The following PAPPA variants were observed in gnomAD, a reference collection of about 807,000 sequenced individuals.
PAPPA encodes the protein pappalysin-1.
A neutral mutation model predicts 164.0 loss-of-function variants in PAPPA; 60 were observed. The ratio of observed to expected loss-of-function variants is 0.37; its 90% CI spans 0.30 to 0.45. PAPPA has a LOEUF of 0.45. Among genes scored for constraint, PAPPA ranks in the 20% least tolerant of loss-of-function variants. The pLI is 1.00. For synonymous variants in PAPPA, 875 were observed against 814.1 expected (o/e 1.07, Z -1.27); for missense variants, 1,782 against 2,087.3 (o/e 0.85, Z 2.85).
At chr9:116,322,379 C>T (rs1009454850) in intron 10 of PAPPA, among the ~76,000 whole-genome samples, 3 of 138,128 alleles carry the variant, frequency 2.2e-5, no homozygotes, top group African/African-American at 5.5e-5. Context: ...CATCGCATTC[C>T]AGCCTGGGGT....
chr9:116,376,678 A>G (rs1330975966), intron 19 of PAPPA, among the ~76,000 whole-genome samples: 1 of 152,244 alleles, frequency 6.6e-6, no homozygotes, highest in East Asian at 1.9e-4. Context: ...GAGGCTATAA[A>G]TAAGTGCCTA....
At chr9:116,345,728 G>A (rs1214740852) in intron 14 of PAPPA, among the ~76,000 whole-genome samples, 2 of 152,200 alleles carry the variant, frequency 1.3e-5, no homozygotes, top group East Asian at 1.9e-4. Context: ...AGTCATCAAA[G>A]GAGTCATGGA....
At chr9:116,321,897 C>G (rs1488508020) in intron 10 of PAPPA, among the ~76,000 whole-genome samples, 1 of 152,106 alleles carries the variant, frequency 6.6e-6, no homozygotes, top group Non-Finnish European at 1.5e-5. Flanking sequence ...TGTATTACCT[C>G]AAGGGTATGG....
rs1331162230 is a variant in PAPPA at position 116,332,345 on chromosome 9, C to A, written c.3274C>A (p.Gln1092Lys). Residue 1092 changes from glutamine to lysine, a missense_variant, in exon 12 of 22, where the codon CAA (glutamine) becomes AAA (lysine). Physicochemically the swap from Gln to Lys is moderately conservative, Grantham distance 53. This residue lies in a region of PAPPA where 1,324 missense variants were observed against 1,656.9 expected (regional missense o/e 0.80). Transcript: ENST00000328252. ...TTFWLRAYFS[Q>K]PMVAAAVIVH... is the part of the protein sequence containing the mutation. ...TTCACAATTTCAGGCGTATTTTTCT[C>A]AACCAATGGTTGCCGCAGCTGTCAT... 6.2e-7 allele frequency: 1 copy of A among 1,613,438 alleles called. No individual in the cohort carries two copies. The highest frequency in any genetic ancestry group is 1.7e-5 in the Admixed American group (1 of 60,014).
At chr9:116,226,718 G>A (rs944271532) in intron 5 of PAPPA, among the ~76,000 whole-genome samples, 3 of 152,198 alleles carry the variant, frequency 2.0e-5, no homozygotes, top group African/African-American at 7.2e-5. Context: ...TATAGCCAAA[G>A]GAAGATTGAA....
intron 21 of PAPPA, among the ~76,000 whole-genome samples, chr9:116,386,318 T>C (rs1320374415): frequency 6.6e-6 from 1 of 152,194 alleles, no homozygotes; most frequent in Non-Finnish European, 1.5e-5. Flanking sequence ...TTTTCTCCTC[T>C]TTCTTGGACA....
intron 1 of PAPPA, among the ~76,000 whole-genome samples, chr9:116,163,203 A>C (rs772755051): frequency 6.6e-6 from 1 of 152,222 alleles, no homozygotes; most frequent in Non-Finnish European, 1.5e-5. Flanking sequence ...CAGACTATAA[A>C]TGAATAAGCA....
chr9:116,301,932 T>C (rs1845583822), intron 9 of PAPPA, among the ~76,000 whole-genome samples: 1 of 152,246 alleles, frequency 6.6e-6, no homozygotes, highest in South Asian at 2.1e-4. Flanking sequence ...CCAATGTCCC[T>C]TGTAAATCAG....
chr9:116,363,430 G>A lies in PAPPA; in HGVS notation c.4495+691G>A, dbSNP rs1000027712. ...ATACTCTTTGCATGGTGACAGGCCA[G>A]CTCGAGAAATACACACAGTGAGAAG... On this transcript the variant is annotated intron_variant, in intron 18 of 21. Transcript: ENST00000328252. 2.0e-5 allele frequency among the ~76,000 whole-genome samples: 3 copies of A among 152,292 alleles called. No individual in the cohort carries two copies. The South Asian group carries it at 6.2e-4, about 32-fold the overall frequency.
At chr9:116,250,075 T>C (rs1397849187) in intron 7 of PAPPA, among the ~76,000 whole-genome samples, 1 of 151,718 alleles carries the variant, frequency 6.6e-6, no homozygotes, top group Non-Finnish European at 1.5e-5. Flanking sequence ...AACAAAGACC[T>C]GTGAGACCAC....
intron 10 of PAPPA, among the ~76,000 whole-genome samples, chr9:116,305,221 C>T (rs1033148275): frequency 3.0e-4 from 44 of 147,038 alleles, no homozygotes; most frequent in Admixed American, 3.0e-3. Flanking sequence ...GAAGTGTAAA[C>T]GTACCTTCCT....
At chr9:116,178,614 C>G (rs1360185711) in intron 1 of PAPPA, among the ~76,000 whole-genome samples, 1 of 152,188 alleles carries the variant, frequency 6.6e-6, no homozygotes, top group Non-Finnish European at 1.5e-5. Context: ...GGGAGCAGAG[C>G]TGAGATACAC....
At chr9:116,185,193 A>G (rs1410073999) in intron 1 of PAPPA, among the ~76,000 whole-genome samples, 1 of 152,220 alleles carries the variant, frequency 6.6e-6, no homozygotes, top group African/African-American at 2.4e-5. Flanking sequence ...ATAGAGAATC[A>G]GGACCCAGAG....
intron 21 of PAPPA, among the ~76,000 whole-genome samples, chr9:116,393,270 T>TTCAG (rs1846918228): frequency 6.6e-6 from 1 of 152,198 alleles, no homozygotes; most frequent in African/African-American, 2.4e-5. Flanking sequence ...GAGAAGGATT[T>TTCAG]TCAGCCAGAT....
chr9:116,185,959 G>A (rs1352070496), intron 1 of PAPPA, among the ~76,000 whole-genome samples: 1 of 152,110 alleles, frequency 6.6e-6, no homozygotes, highest in Non-Finnish European at 1.5e-5. Context: ...GGATCTGATG[G>A]ATCTAGGATC....
At chr9:116,257,650 C>T (rs763665412) in intron 7 of PAPPA, among the ~76,000 whole-genome samples, 3 of 151,882 alleles carry the variant, frequency 2.0e-5, no homozygotes, top group Non-Finnish European at 4.4e-5. Context: ...TGCAGTGAGC[C>T]GAGATCGCGC....
At position 116,235,203 on chromosome 9, in the gene PAPPA, C is replaced by T. The variant is rs1274646739; in HGVS notation, c.2298C>T (p.Val766=). Residue 766 remains valine (V), a synonymous_variant, in exon 7 of 22, where the codon GTC becomes GTT. Transcript: ENST00000328252. ...SVRTWSPNSA[V]NPHTVPPACP... is the part of the protein sequence containing the mutation. ...GCACCTGGAGCCCAAATTCAGCTGTCAACCCACACACGGTTCCTCCAGCCT... is the reference window on the plus strand; with the variant it reads ...GCACCTGGAGCCCAAATTCAGCTGTTAACCCACACACGGTTCCTCCAGCCT... The T allele has an allele frequency of 6.2e-7, 1 of 1,614,070 alleles. No individual in the cohort carries two copies. Among genetic ancestry groups the T allele is most frequent in the African/African-American group, 1.3e-5 (1 of 74,930 alleles).
chr9:116,208,822 A>G (rs1844269980), intron 3 of PAPPA, among the ~76,000 whole-genome samples: 1 of 151,722 alleles, frequency 6.6e-6, no homozygotes, highest in Non-Finnish European at 1.5e-5. Context: ...AATGAAACCA[A>G]TTTGTGTGTG....
chr9:116,345,072 G>A (rs931269985), intron 14 of PAPPA, among the ~76,000 whole-genome samples: 7 of 152,224 alleles, frequency 4.6e-5, no homozygotes. Flanking sequence ...CTCTGTCAAT[G>A]AGATGCTCAT....
Sources: gnomAD v4.1 joint callset for allele counts (sites outside exome capture counted in the v4.1 genomes callset) on GRCh38, gnomAD v4.1.1 for gene constraint, gnomAD v4.1.1 regional missense constraint, MANE v1.5 for transcripts, NCBI Gene and HGNC (gene_info 2026-07-23, HGNC 2026-07-21) for gene names.